The following ALPL variants were observed in gnomAD, a reference collection of about 807,000 sequenced individuals.
ALPL encodes alkaline phosphatase, biomineralization associated, also known as alkaline phosphatase, tissue-nonspecific isozyme.
ALPL carries 42 observed loss-of-function variants against 51.3 expected under a neutral mutation model. The observed-to-expected ratio is 0.82, with a 90% CI of 0.64 to 1.06. ALPL has a LOEUF of 1.06. Among genes scored for constraint, ALPL ranks in the 50% least tolerant of loss-of-function variants. ALPL has a pLI of 0.00. For missense variants in ALPL, 589 were observed against 709.4 expected, an observed-to-expected ratio of 0.83 and a Z score of 1.93; for synonymous variants, 279 against 296.4, an observed-to-expected ratio of 0.94 and a Z score of 0.60.
At chr1:21,566,538 G>T (rs890423851) in intron 6 of ALPL, among the ~76,000 whole-genome samples, 6 of 152,008 alleles carry the variant, frequency 3.9e-5, no homozygotes, top group Non-Finnish European at 4.4e-5. Context: ...TGATCCGCCC[G>T]TTTTGGCCTC....
rs1256336 is a variant in ALPL at position 21,563,013 on chromosome 1, C to T, written c.298-97C>T. ...TCAAGGCTATGGGGTCCTCTCTGGT[C>T]CCTCACGCCCCAGTCCCCATGGTGT... On this transcript the variant is annotated intron_variant, in intron 4 of 11. Transcript: ENST00000374840. 328,590 of 1,517,514 alleles carry T rather than the reference C, an allele frequency of 0.22. 38,289 individuals are homozygous for T. The highest frequency in any genetic ancestry group is 0.32 in the African/African-American group (23,198 of 72,816). The allele number at this position is 1,517,514 out of a possible 1,614,324, so 94.0% of individuals were successfully genotyped here.
Position 21,573,459 on chromosome 1 carries a change from GA to G in ALPL, c.863-201del, listed in dbSNP as rs111432911. ...CTCAAAAAAAAAAAAGAAAAGAAAA[GA>G]AAAAGAAAAAAGAAAAAAAAAGGAA... On this transcript the variant is annotated intron_variant, in intron 8 of 11. Coordinates refer to ENST00000374840, the MANE Select transcript of ALPL (RefSeq NM_000478.6). 0.092 allele frequency among the ~76,000 whole-genome samples: 13,323 copies of G among 144,920 alleles called. 1,077 individuals carry two copies. Among genetic ancestry groups the G allele is most frequent in the African/African-American group, 0.22 (8,610 of 38,506 alleles).
intron 1 of ALPL, among the ~76,000 whole-genome samples, chr1:21,520,334 T>C (rs1168586132): frequency 6.6e-6 from 1 of 151,942 alleles, no homozygotes; most frequent in Non-Finnish European, 1.5e-5. Flanking sequence ...TTGCTTATGT[T>C]GATGAGGCTG....
At chr1:21,566,450 AT>A (rs894544880) in intron 6 of ALPL, among the ~76,000 whole-genome samples, 33 of 147,338 alleles carry the variant, frequency 2.2e-4, no homozygotes, top group Non-Finnish European at 2.3e-4. Context: ...CGCCCGGCTA[AT>A]TTTTTTTTTT....
At chr1:21,574,964 A>G (rs1697404) in intron 9 of ALPL, among the ~76,000 whole-genome samples, 126,929 of 152,274 alleles carry the variant, frequency 0.83, 53,538 homozygotes, top group Non-Finnish European at 0.91. Flanking sequence ...TAGCAAGGGA[A>G]GTGTTCCTTT....
intron 8 of ALPL, among the ~76,000 whole-genome samples, chr1:21,572,314 G>A (rs1257302978): frequency 1.3e-5 from 2 of 152,174 alleles, no homozygotes; most frequent in African/African-American, 4.8e-5. Flanking sequence ...TCACATGGCT[G>A]GCGAGTTGGT....
At position 21,576,640 on chromosome 1, in the gene ALPL, T is replaced by C. The variant is rs775526490; in HGVS notation, c.1308T>C (p.Tyr436=). The C allele has an allele frequency of 6.2e-7, 1 of 1,613,386 alleles. No homozygotes were observed. The highest frequency in any genetic ancestry group is 8.5e-7 in the Non-Finnish European group (1 of 1,179,636). ...GAGAGAATGTCTCCATGGTGGACTA[T>C]GGTGAGACCTCCAGGACCCAGGGCT... ...GERENVSMVD[Y]AHNNYQAQSA... is the part of the protein sequence containing the mutation. The change falls in exon 11 of 12, where the codon TAT becomes TAC. Residue 436 remains tyrosine (Y), a splice_region_variant and synonymous_variant. Transcript: ENST00000374840.
chr1:21,560,340 T>G (rs1644466061), intron 2 of ALPL, among the ~76,000 whole-genome samples: 1 of 152,244 alleles, frequency 6.6e-6, no homozygotes, highest in Non-Finnish European at 1.5e-5. Context: ...GCCCTGCCAG[T>G]GTCTGCCTGT....
At chr1:21,571,029 T>A (rs542584794) in intron 8 of ALPL, among the ~76,000 whole-genome samples, 1 of 152,290 alleles carries the variant, frequency 6.6e-6, no homozygotes, top group Admixed American at 6.5e-5. Context: ...ACCTGGTGGG[T>A]CCTCCAGACA....
intron 8 of ALPL, 77 bp downstream of exon 8, chr1:21,570,451 G>T: frequency 1.3e-6 from 2 of 1,482,680 alleles, no homozygotes; most frequent in East Asian, 2.3e-5. Context: ...AGCACCTGGG[G>T]ACAAGGCCCT....
In ALPL at chr1:21,564,320, C is replaced by A; in HGVS notation, c.648+104C>A. 3 of 1,429,726 alleles carry A rather than the reference C, an allele frequency of 2.1e-6. No homozygotes were observed. The highest frequency in any genetic ancestry group is 1.2e-5 in the South Asian group (1 of 82,444). The allele number at this position is 1,429,726 out of a possible 1,614,324, so 88.6% of individuals were successfully genotyped here. A position where few individuals can be genotyped will look rare whatever the true frequency, so the allele number is the denominator to read the frequency against. ...GCCCGGAGAAAGCAGCCTGGCCTGG[C>A]TCCCCACACACCTGGGAGGCTCCCA... On this transcript the variant is annotated intron_variant, in intron 6 of 11. Transcript: ENST00000374840. This position sits in a 1 kb window ranked among gnomAD's most constrained non-coding sequence, Gnocchi z 5.8.
At chr1:21,546,511 G>A (rs905970341) in intron 1 of ALPL, among the ~76,000 whole-genome samples, 3 of 152,196 alleles carry the variant, frequency 2.0e-5, no homozygotes, top group Non-Finnish European at 4.4e-5. Flanking sequence ...TGACTTCACA[G>A]GATGTTTTAG....
At chr1:21,553,192 AAT>A (rs1284507404) in intron 1 of ALPL, among the ~76,000 whole-genome samples, 2 of 151,728 alleles carry the variant, frequency 1.3e-5, no homozygotes, top group Admixed American at 6.6e-5. Context: ...TCCGACTTTA[AAT>A]ATATATATAT....
At chr1:21,552,567 A>T (rs534340130) in intron 1 of ALPL, among the ~76,000 whole-genome samples, 3 of 152,152 alleles carry the variant, frequency 2.0e-5, no homozygotes, top group African/African-American at 7.2e-5. Flanking sequence ...AGAAACTTTT[A>T]AAAAATTAAA....
In ALPL at chr1:21,577,476, C is replaced by T. The variant is rs766656419; in HGVS notation, c.1403C>T (p.Ala468Val). The T allele has an allele frequency of 1.1e-5, 17 of 1,610,336 alleles. No homozygotes were observed. Among genetic ancestry groups the T allele is most frequent in the East Asian group, 2.2e-5 (1 of 44,880 alleles). The change falls in exon 12 of 12, where the codon GCG becomes GTG. Residue 468 changes from alanine to valine, a missense_variant. Transcript: ENST00000374840. The stretch of plus-strand genomic sequence containing the variant: ...GCCGTCTTCTCCAAGGGCCCCATGG[C>T]GCACCTGCTGCACGGCGTCCACGAG... ...DVAVFSKGPM[A>V]HLLHGVHEQN...
rs900793915 is a variant in ALPL at position 21,529,782 on chromosome 1, C to A, written c.-105+20265C>A. On this transcript the variant is annotated intron_variant, in intron 1 of 11. Transcript: ENST00000374840. ...ACTTTTTGTTTGCTTCATTTTGTTT[C>A]GTTTTTTTGAGACAGGGTCTCCACT... Among the ~76,000 whole-genome samples the A allele has an allele frequency of 2.0e-5, 3 of 151,524 alleles. No homozygotes were observed. In the South Asian group the frequency reaches 6.3e-4, roughly 32 times the overall value.
intron 1 of ALPL, among the ~76,000 whole-genome samples, chr1:21,542,595 G>A (rs564065512): frequency 4.6e-5 from 7 of 152,268 alleles, no homozygotes; most frequent in African/African-American, 1.4e-4. Flanking sequence ...TAATCCCGGT[G>A]CTTTGGGAGG....
At chr1:21,571,935 G>T (rs1644656456) in intron 8 of ALPL, among the ~76,000 whole-genome samples, 1 of 151,922 alleles carries the variant, frequency 6.6e-6, no homozygotes. Context: ...TGAGGCTGCA[G>T]TGAGTTGTGA....
chr1:21,510,046 G>T (rs990887644), intron 1 of ALPL, among the ~76,000 whole-genome samples: 9 of 152,112 alleles, frequency 5.9e-5, no homozygotes, highest in African/African-American at 2.2e-4. Flanking sequence ...GCTTGGAATG[G>T]GGGGCGTGGC....
Sources: allele counts gnomAD v4.1 joint callset (sites outside exome capture counted in the v4.1 genomes callset), GRCh38; gene constraint gnomAD v4.1.1; non-coding constraint Gnocchi (gnomAD v3.1); transcripts MANE v1.5; gene names NCBI Gene and HGNC (gene_info 2026-07-23, HGNC 2026-07-21).